Variants in VPS13B observed in about 807,000 individuals in gnomAD.
The protein encoded by VPS13B is intermembrane lipid transfer protein VPS13B.
In VPS13B, 285 loss-of-function variants were observed where a neutral mutation model predicts 426.4. The observed-to-expected ratio is 0.67, with a 90% CI of 0.61 to 0.74. The LOEUF is 0.74. Among genes scored for constraint, VPS13B ranks in the 30% least tolerant of loss-of-function variants. The pLI, the probability that VPS13B is intolerant of heterozygous loss-of-function variation, is 0.00. For synonymous variants in VPS13B, 1,676 were observed against 1,676.4 expected, an observed-to-expected ratio of 1.00 and a Z score of 0.01; for missense variants, 4,537 against 4,782.6, an observed-to-expected ratio of 0.95 and a Z score of 1.51.
chr8:99,416,262 G>GC (rs1017232944), intron 21 of VPS13B, among the ~76,000 whole-genome samples: 20 of 152,006 alleles, frequency 1.3e-4, no homozygotes, highest in African/African-American at 3.1e-4. Context: ...GGATGCCCCC[G>GC]CCCCCCCACC....
At chr8:99,484,141 A>G (rs1260089434) in intron 25 of VPS13B, among the ~76,000 whole-genome samples, 1 of 152,154 alleles carries the variant, frequency 6.6e-6, no homozygotes, top group Non-Finnish European at 1.5e-5. Flanking sequence ...GAAGAATAGT[A>G]TCTTCATCAG....
chr8:99,511,205 A>G lies in VPS13B; in HGVS notation c.4326A>G (p.Ser1442=). The change falls in exon 29 of 62, where the codon TCA becomes TCG. Residue 1442 remains serine, a synonymous_variant. Coordinates refer to ENST00000357162, the MANE Select transcript of VPS13B (RefSeq NM_152564.5). ...VTKNVRHKLT[S]RNERRSFHKL... is the part of the protein sequence containing the mutation. ...AAAATGTCCGCCACAAGTTAACATC[A>G]AGAAATGAGCGAAGAAGTTTTCATA... 2 of 1,614,156 alleles carry G rather than the reference A, an allele frequency of 1.2e-6. No individual in the cohort carries two copies. Among genetic ancestry groups the G allele is most frequent in the Non-Finnish European group, 1.7e-6 (2 of 1,180,018 alleles).
rs532966106 is a variant in VPS13B, at chr8:99,456,459, G to A, written c.3446-10955G>A. ...GCTGGGATTACAGGTGTGAGCCACC[G>A]CACCAGCCATTTTATTGAAACCTTT... On this transcript the variant is annotated intron_variant, in intron 23 of 61. Transcript: ENST00000357162. Among the ~76,000 whole-genome samples the A allele has an allele frequency of 2.8e-4, 42 of 152,192 alleles. 1 individual carries two copies. In the East Asian group the frequency reaches 3.5e-3, roughly 13 times the overall value.
chr8:99,297,375 C>G (rs1281279576), intron 19 of VPS13B, among the ~76,000 whole-genome samples: 1 of 150,836 alleles, frequency 6.6e-6, no homozygotes, highest in Non-Finnish European at 1.5e-5. Context: ...TCCTTGTAAT[C>G]ACATTTGTAA....
intron 39 of VPS13B, among the ~76,000 whole-genome samples, chr8:99,754,085 GTTTTTTT>G (rs34681251): frequency 1.7e-5 from 2 of 121,134 alleles, no homozygotes; most frequent in South Asian, 5.8e-4. Flanking sequence ...TAGTATAAGG[GTTTTTTT>G]TTTTTTTTTT....
At chr8:99,105,319 T>A (rs1173189301) in intron 5 of VPS13B, among the ~76,000 whole-genome samples, 1 of 152,184 alleles carries the variant, frequency 6.6e-6, no homozygotes, top group Non-Finnish European at 1.5e-5. Context: ...CAAATAGAAC[T>A]GGACAATGTA....
chr8:99,521,571 C>T (rs1230254285), intron 30 of VPS13B, among the ~76,000 whole-genome samples: 1 of 152,176 alleles, frequency 6.6e-6, no homozygotes, highest in Non-Finnish European at 1.5e-5. Context: ...AACTGGTGAA[C>T]ATATGTAATC....
chr8:99,276,773 A>T (rs1036316831), intron 19 of VPS13B, among the ~76,000 whole-genome samples: 1 of 152,152 alleles, frequency 6.6e-6, no homozygotes, highest in Non-Finnish European at 1.5e-5. Context: ...AGAATTACCC[A>T]TATAGTAATT....
chr8:99,244,772 G>C (rs1817123448), intron 17 of VPS13B, among the ~76,000 whole-genome samples: 2 of 152,130 alleles, frequency 1.3e-5, no homozygotes, highest in African/African-American at 4.8e-5. Flanking sequence ...TTTCTCATCA[G>C]TATTAGTCCA....
At chr8:99,789,845 A>G (rs1487990224) in intron 43 of VPS13B, among the ~76,000 whole-genome samples, 4 of 152,146 alleles carry the variant, frequency 2.6e-5, no homozygotes, top group Non-Finnish European at 5.9e-5. Context: ...ACACAAGCAA[A>G]TGCACAAAAC....
At chr8:99,332,586 C>T (rs889023600) in intron 19 of VPS13B, among the ~76,000 whole-genome samples, 2 of 151,340 alleles carry the variant, frequency 1.3e-5, no homozygotes, top group Non-Finnish European at 3.0e-5. Context: ...TAAATGTTAC[C>T]CTTACTCTGC....
At chr8:99,571,916 T>A (rs940586369) in intron 31 of VPS13B, among the ~76,000 whole-genome samples, 1 of 152,202 alleles carries the variant, frequency 6.6e-6, no homozygotes, top group Non-Finnish European at 1.5e-5. Context: ...TTTGCTTTTT[T>A]GGCAGACACC....
In VPS13B at chr8:99,188,053, A is replaced by ATTTTTT. The variant is rs60360700; in HGVS notation, c.2334-4808_2334-4803dup. 5.7e-4 allele frequency among the ~76,000 whole-genome samples: 64 copies of ATTTTTT among 112,726 alleles called. 2 individuals carry two copies. The highest frequency in any genetic ancestry group is 5.7e-3 in the Middle Eastern group (1 of 176). 74.0% of individuals were successfully genotyped at this position (112,726 alleles called of 152,430 possible). A position where few individuals can be genotyped will look rare whatever the true frequency, so the allele number is the denominator to read the frequency against. On this transcript the variant is annotated intron_variant, in intron 16 of 61. Transcript: ENST00000357162. ...AGGCTTTTGTTTTTGTTGTTTGGAC[A>ATTTTTT]TTTTTTTTTTTTTTTTTTTTGTGAG...
intron 31 of VPS13B, among the ~76,000 whole-genome samples, chr8:99,571,148 C>G (rs1216243615): frequency 6.6e-6 from 1 of 152,114 alleles, no homozygotes; most frequent in Non-Finnish European, 1.5e-5. Context: ...TCCCTTGATT[C>G]ATTAAGAGTG....
At chr8:99,638,716 A>G (rs754765936) in intron 33 of VPS13B, among the ~76,000 whole-genome samples, 6 of 152,194 alleles carry the variant, frequency 3.9e-5, no homozygotes, top group Non-Finnish European at 8.8e-5. Flanking sequence ...TCAGCCCACA[A>G]GGTAGAGTAT....
chr8:99,662,446 T>G (rs1000851145), intron 35 of VPS13B, among the ~76,000 whole-genome samples: 1 of 151,848 alleles, frequency 6.6e-6, no homozygotes, highest in Non-Finnish European at 1.5e-5. Context: ...TTAATTTTAT[T>G]TATTTATTTA....
chr8:99,566,516 C>A (rs1478462940), intron 31 of VPS13B, among the ~76,000 whole-genome samples: 1 of 151,916 alleles, frequency 6.6e-6, no homozygotes, highest in African/African-American at 2.4e-5. Flanking sequence ...TCTCAGCTCA[C>A]TGCAGTCTCC....
chr8:99,811,022 A>G (rs1813668069), intron 44 of VPS13B, among the ~76,000 whole-genome samples: 1 of 152,208 alleles, frequency 6.6e-6, no homozygotes, highest in Non-Finnish European at 1.5e-5. Flanking sequence ...TCTGCTGTCA[A>G]TGAATATCTG....
chr8:99,807,695 G>C (rs1291859521), intron 43 of VPS13B, among the ~76,000 whole-genome samples: 1 of 151,548 alleles, frequency 6.6e-6, no homozygotes, highest in Non-Finnish European at 1.5e-5. Context: ...GTGTGTGTGT[G>C]TGTGTGTGTA....
Sources: gnomAD v4.1 joint callset for allele counts (sites outside exome capture counted in the v4.1 genomes callset) on GRCh38, gnomAD v4.1.1 for gene constraint, MANE v1.5 for transcripts, NCBI Gene and HGNC (gene_info 2026-07-23, HGNC 2026-07-21) for gene names.